ZNF235: variants seen among roughly 807,000 people sequenced by gnomAD.
ZNF235 encodes zinc finger protein 235.
Under a neutral mutation model 29.4 loss-of-function variants are expected in ZNF235, and 25 were observed. The observed-to-expected ratio is 0.85, with a 90% confidence interval of 0.62 to 1.19. The LOEUF is 1.19. Ranked by LOEUF, ZNF235 falls within the 50% of genes most tolerant of loss-of-function variation. The pLI, the probability that ZNF235 is intolerant of heterozygous loss-of-function variation, is 0.00. For missense variants in ZNF235, 788 were observed against 885.0 expected (o/e 0.89, Z 1.39); for synonymous variants, 300 against 295.3 (o/e 1.02, Z -0.16).
Position 44,287,828 on chromosome 19 carries a change from A to G in ZNF235, c.1607T>C (p.Val536Ala). Residue 536 changes from valine to alanine, a missense_variant, in exon 5 of 5, where the codon GTC (valine) becomes GCC (alanine). Physicochemically the swap from Val to Ala is moderately conservative, Grantham distance 64 (BLOSUM62 0). Transcript: ENST00000291182. ...QSSYFQAHQRVHTGEKPYKCE... is the reference protein window; with the variant it reads ...QSSYFQAHQRAHTGEKPYKCE... ...TTTGTATGGTTTTTCTCCAGTGTGG[A>G]CTCTCTGATGTGCTTGAAAGTATGA... The G allele has an allele frequency of 6.2e-7, 1 of 1,613,826 alleles. No individual in the cohort carries two copies. Among genetic ancestry groups the G allele is most frequent in the African/African-American group, 1.3e-5 (1 of 74,894 alleles).
chr19:44,287,106 G>T lies in ZNF235; in HGVS notation c.*112C>A. ...ATTTGAGAGACTTCTTTCCTGTCAA[G>T]ATTCTTTGAAGCTTCTAGTTTTAAA... On this transcript the variant is annotated 3_prime_UTR_variant, in exon 5 of 5. Coordinates refer to ENST00000291182, the MANE Select transcript of ZNF235 (RefSeq NM_004234.4). The T allele has an allele frequency of 8.8e-7, 1 of 1,136,708 alleles. No homozygotes were observed. Among genetic ancestry groups the T allele is most frequent in the Non-Finnish European group, 1.2e-6 (1 of 818,108 alleles). 70.4% of individuals were successfully genotyped at this position (1,136,708 alleles called of 1,614,324 possible). A position where few individuals can be genotyped will look rare whatever the true frequency, so the allele number is the denominator to read the frequency against.
Position 44,286,735 on chromosome 19 carries a change from T to C in ZNF235, c.*483A>G, listed in dbSNP as rs1402565137. 1 of 152,738 alleles carries C rather than the reference T, an allele frequency of 6.5e-6. No homozygotes were observed. Among genetic ancestry groups the C allele is most frequent in the Non-Finnish European group, 1.5e-5 (1 of 68,422 alleles). The allele number at this position is 152,738 out of a possible 1,614,324, so 9.5% of individuals were successfully genotyped here. On this transcript the variant is annotated 3_prime_UTR_variant, in exon 5 of 5. Transcript: ENST00000291182. Reference sequence around the variant, plus strand: ...ACAGACTAGAATTTTCAAGTATTTGTCCTAATTATAGGTATTTTCTTCACT... The same window carrying C: ...ACAGACTAGAATTTTCAAGTATTTGCCCTAATTATAGGTATTTTCTTCACT...
At chr19:44,304,658 C>G (rs866741093) in intron 1 of ZNF235, 11 of 933,490 alleles carry the variant, frequency 1.2e-5, no homozygotes, top group Middle Eastern at 5.5e-4. Context: ...TAACCCTTTA[C>G]AGGCACGAGG....
At chr19:44,291,658 G>C (rs910977086) in intron 4 of ZNF235, among the ~76,000 whole-genome samples, 3 of 152,098 alleles carry the variant, frequency 2.0e-5, no homozygotes, top group Non-Finnish European at 4.4e-5. Context: ...CAATGCAGAT[G>C]AACTGGACAA....
At position 44,287,627 on chromosome 19, in the gene ZNF235, G is replaced by A; in HGVS notation, c.1808C>T (p.Ala603Val). 6.2e-7 allele frequency: 1 copy of A among 1,612,288 alleles called. No homozygotes were observed. The highest frequency in any genetic ancestry group is 1.1e-5 in the South Asian group (1 of 90,972). ...HTGEKPFKCD[A>V]CQKRFSQASH... ...GGCCTGACTGAATCGCTTCTGACAT[G>A]CATCACACTTGAATGGTTTTTCCCC... is the stretch of plus-strand genomic sequence containing the variant. Residue 603 changes from alanine (A) to valine (V), a missense_variant, in exon 5 of 5, where the codon GCA (alanine) becomes GTA (valine). Transcript: ENST00000291182.
chr19:44,290,274 T>C (rs1269966615), intron 4 of ZNF235: 1 of 152,960 alleles, frequency 6.5e-6, no homozygotes, highest in Non-Finnish European at 1.5e-5. Context: ...TTCCCAGGAT[T>C]GAGAGGGTTG....
chr19:44,288,137 C>T lies in ZNF235; in HGVS notation c.1298G>A (p.Cys433Tyr), dbSNP rs1371901848. ...ACTAAAGCGTTTACCACAATCCCCA[C>T]ATTTATATGGTTTCTCTCCAGTGTG... ...RIHTGEKPYK[C>Y]GDCGKRFSCS... Residue 433 changes from cysteine to tyrosine, a missense_variant, in exon 5 of 5, where the codon TGT becomes TAT. Transcript: ENST00000291182. 1 of 1,614,138 alleles carries T rather than the reference C, an allele frequency of 6.2e-7. No individual in the cohort carries two copies. Among genetic ancestry groups the T allele is most frequent in the South Asian group, 1.1e-5 (1 of 91,074 alleles).
At chr19:44,291,117 C>T (rs1975579137) in intron 4 of ZNF235, among the ~76,000 whole-genome samples, 1 of 152,114 alleles carries the variant, frequency 6.6e-6, no homozygotes, top group South Asian at 2.1e-4. Flanking sequence ...TTTTCAGGTG[C>T]ACATGGAACA....
In ZNF235 at chr19:44,286,431, T is replaced by C. The variant is rs1183016064; in HGVS notation, c.*787A>G. On this transcript the variant is annotated 3_prime_UTR_variant, in exon 5 of 5. Coordinates refer to ENST00000291182, the MANE Select transcript of ZNF235 (RefSeq NM_004234.4). ...TTCAGAGTTACAGTACAGCTTAGTGTCCAAAAATTCTAATCATGTAAATTG... is the reference window on the plus strand; with the variant it reads ...TTCAGAGTTACAGTACAGCTTAGTGCCCAAAAATTCTAATCATGTAAATTG... 1.3e-5 allele frequency: 2 copies of C among 152,202 alleles called. No individual in the cohort carries two copies. The highest frequency in any genetic ancestry group is 2.4e-5 in the African/African-American group (1 of 41,440). 9.4% of individuals were successfully genotyped at this position (152,202 alleles called of 1,614,324 possible). A position where few individuals can be genotyped will look rare whatever the true frequency, so the allele number is the denominator to read the frequency against.
intron 4 of ZNF235, among the ~76,000 whole-genome samples, chr19:44,291,065 G>C (rs1453356994): frequency 6.6e-6 from 1 of 152,114 alleles, no homozygotes; most frequent in Non-Finnish European, 1.5e-5. Context: ...TGACTACTTG[G>C]TCTTTCTAGG....
intron 4 of ZNF235, among the ~76,000 whole-genome samples, chr19:44,297,874 T>G (rs1052693215): frequency 6.6e-6 from 1 of 152,082 alleles, no homozygotes; most frequent in South Asian, 2.1e-4. Flanking sequence ...TCCCAGCATT[T>G]TGGGGAGGCT....
At chr19:44,302,942 A>G (rs1372918791) in intron 2 of ZNF235, among the ~76,000 whole-genome samples, 1 of 83,174 alleles carries the variant, frequency 1.2e-5, no homozygotes, top group Non-Finnish European at 2.1e-5. Context: ...TTATATATAC[A>G]TATTTGTATA....
intron 4 of ZNF235, among the ~76,000 whole-genome samples, chr19:44,297,977 G>A (rs1975677674): frequency 6.6e-6 from 1 of 151,986 alleles, no homozygotes; most frequent in Non-Finnish European, 1.5e-5. Context: ...AAATTAGCTG[G>A]GTGTGGTGGT....
chr19:44,303,496 T>C (rs763888485), intron 1 of ZNF235, 44 bp from the exon 2 acceptor site: 1 of 1,548,626 alleles, frequency 6.5e-7, no homozygotes, highest in Non-Finnish European at 8.8e-7. Flanking sequence ...GGGATGGCAT[T>C]AGTCACCATG....
At chr19:44,295,101 G>A (rs1975636452) in intron 4 of ZNF235, among the ~76,000 whole-genome samples, 1 of 152,052 alleles carries the variant, frequency 6.6e-6, no homozygotes, top group African/African-American at 2.4e-5. Flanking sequence ...TCAGGCAAGA[G>A]AAAGACAGAA....
intron 2 of ZNF235, among the ~76,000 whole-genome samples, chr19:44,302,544 A>G (rs923984020): frequency 2.0e-5 from 3 of 151,748 alleles, no homozygotes; most frequent in Admixed American, 6.6e-5. Flanking sequence ...AGGATCTCTT[A>G]AGCCCAGAAG....
At chr19:44,303,669 A>T (rs1317735490) in intron 1 of ZNF235, among the ~76,000 whole-genome samples, 2 of 152,158 alleles carry the variant, frequency 1.3e-5, no homozygotes, top group Non-Finnish European at 2.9e-5. Flanking sequence ...ACCTAAATCA[A>T]ATACAGCTCT....
At chr19:44,297,693 C>A (rs997654907) in intron 4 of ZNF235, among the ~76,000 whole-genome samples, 17 of 152,066 alleles carry the variant, frequency 1.1e-4, no homozygotes, top group East Asian at 1.9e-4. Flanking sequence ...GAACTCCCGA[C>A]CTCAGGTGAT....
At chr19:44,295,766 G>C (rs149297857) in intron 4 of ZNF235, among the ~76,000 whole-genome samples, 1 of 152,092 alleles carries the variant, frequency 6.6e-6, no homozygotes, top group African/African-American at 2.4e-5. Context: ...GAATAGAAAA[G>C]AGAACCCAGA....
Sources: allele counts gnomAD v4.1 joint callset (sites outside exome capture counted in the v4.1 genomes callset), GRCh38; gene constraint gnomAD v4.1.1; transcripts MANE v1.5; gene names NCBI Gene and HGNC (gene_info 2026-07-23, HGNC 2026-07-21).